CALN1: variants seen among roughly 807,000 people sequenced by gnomAD.
The protein encoded by CALN1 is calcium-binding protein 8.
CALN1 carries 17 observed loss-of-function variants against 30.6 expected under a neutral mutation model. That is an observed-to-expected ratio of 0.56 (90% CI 0.38 to 0.83). The LOEUF is 0.83. CALN1 is among the 40% of genes least tolerant of loss of function. The pLI is 0.00. For synonymous variants in CALN1, 156 were observed against 131.4 expected, an observed-to-expected ratio of 1.19 and a Z score of -1.28; for missense variants, 291 against 354.9, an observed-to-expected ratio of 0.82 and a Z score of 1.45.
intron 3 of CALN1, among the ~76,000 whole-genome samples, chr7:72,244,589 C>T (rs1294304758): frequency 1.3e-5 from 2 of 149,108 alleles, no homozygotes; most frequent in Admixed American, 1.3e-4. Context: ...TCAGCTTTCT[C>T]AGGTTGAAGA....
chr7:71,806,263 CACACACAA>C (rs1382954335), intron 6 of CALN1, among the ~76,000 whole-genome samples: 14 of 137,660 alleles, frequency 1.0e-4, no homozygotes, highest in Admixed American at 6.3e-4. Context: ...CACACACACA[CACACACAA>C]ACACACACAC....
At chr7:72,077,287 A>G (rs918178927) in intron 4 of CALN1, among the ~76,000 whole-genome samples, 1 of 150,400 alleles carries the variant, frequency 6.6e-6, no homozygotes, top group African/African-American at 2.5e-5. Flanking sequence ...TATTTTATTT[A>G]TTTTGAGACG....
At chr7:71,818,362 C>T (rs1788388469) in intron 5 of CALN1, among the ~76,000 whole-genome samples, 1 of 152,002 alleles carries the variant, frequency 6.6e-6, no homozygotes, top group African/African-American at 2.4e-5. Flanking sequence ...CACAGAGTTG[C>T]AAAAGCTTGA....
chr7:71,875,068 A>T (rs1288705528), intron 5 of CALN1, among the ~76,000 whole-genome samples: 1 of 151,168 alleles, frequency 6.6e-6, no homozygotes, highest in Non-Finnish European at 1.5e-5. Context: ...AGGGGGCTGA[A>T]GCACCAGAAT....
At chr7:72,409,973 C>T (rs978994782) in intron 1 of CALN1, among the ~76,000 whole-genome samples, 10 of 152,148 alleles carry the variant, frequency 6.6e-5, no homozygotes, top group African/African-American at 2.2e-4. Context: ...CCTCTAAAAC[C>T]CTGCAAAGAT....
intron 1 of CALN1, among the ~76,000 whole-genome samples, chr7:72,439,430 G>T (rs1300788273): frequency 3.9e-5 from 6 of 152,122 alleles, no homozygotes; most frequent in Non-Finnish European, 7.3e-5. Context: ...CACATATGTT[G>T]TGTGTTACAT....
intron 3 of CALN1, among the ~76,000 whole-genome samples, chr7:72,191,256 G>A (rs972854751): frequency 3.9e-5 from 6 of 152,122 alleles, no homozygotes; most frequent in East Asian, 1.9e-4. Context: ...AGAGAACAAC[G>A]TAGCAATTTA....
At chr7:71,954,463 A>C (rs1584600109) in intron 5 of CALN1, among the ~76,000 whole-genome samples, 1 of 151,754 alleles carries the variant, frequency 6.6e-6, no homozygotes. Context: ...CCATCTCGAA[A>C]ACTTAAAATT....
intron 5 of CALN1, among the ~76,000 whole-genome samples, chr7:71,994,108 A>C (rs898081759): frequency 1.3e-5 from 2 of 152,202 alleles, no homozygotes; most frequent in African/African-American, 4.8e-5. Flanking sequence ...AAAATTTTTA[A>C]GAAATGTTTA....
chr7:72,354,166 G>A (rs1169346509), intron 2 of CALN1, among the ~76,000 whole-genome samples: 1 of 152,138 alleles, frequency 6.6e-6, no homozygotes, highest in Admixed American at 6.5e-5. Context: ...CAGCCTGGGT[G>A]ACAGAGCAAG....
chr7:72,205,575 T>TATACATATATATATATATATAC (rs1554319681), intron 3 of CALN1, among the ~76,000 whole-genome samples: 1 of 119,614 alleles, frequency 8.4e-6, no homozygotes, highest in African/African-American at 4.2e-5. Flanking sequence ...TATGTATATA[T>TATACATATATATATATATATAC]ATATATATAT....
intron 5 of CALN1, among the ~76,000 whole-genome samples, chr7:71,854,254 CTT>C (rs1303735718): frequency 2.0e-5 from 3 of 152,038 alleles, no homozygotes; most frequent in Non-Finnish European, 4.4e-5. Context: ...AGGAGAATCT[CTT>C]GAACCTGGGA....
At chr7:72,255,808 G>A (rs550054453) in intron 3 of CALN1, among the ~76,000 whole-genome samples, 5 of 150,758 alleles carry the variant, frequency 3.3e-5, no homozygotes, top group South Asian at 2.1e-4. Context: ...TCGGCTCACT[G>A]CAACCTCCGT....
intron 3 of CALN1, among the ~76,000 whole-genome samples, chr7:72,240,193 T>C (rs1794738352): frequency 1.1e-5 from 1 of 88,356 alleles, no homozygotes; most frequent in Admixed American, 1.0e-4. Flanking sequence ...GGGAAATTTC[T>C]TTTTTTTTTT....
intron 2 of CALN1, among the ~76,000 whole-genome samples, chr7:72,290,339 G>GCTAT (rs1260942669): frequency 1.3e-5 from 2 of 152,132 alleles, no homozygotes; most frequent in African/African-American, 4.8e-5. Context: ...TGACAAAGCA[G>GCTAT]CTATGGTGGT....
At chr7:72,426,559 C>T (rs769612890) in intron 1 of CALN1, among the ~76,000 whole-genome samples, 24 of 152,204 alleles carry the variant, frequency 1.6e-4, no homozygotes, top group Non-Finnish European at 3.4e-4. Context: ...CAACCTCTTT[C>T]CTTTATAAAT....
intron 6 of CALN1, among the ~76,000 whole-genome samples, chr7:71,790,579 A>G (rs919848197): frequency 1.4e-4 from 22 of 152,140 alleles, no homozygotes; most frequent in African/African-American, 4.6e-4. Flanking sequence ...GCAGTTGTGC[A>G]CGGTTCCCCA....
chr7:71,976,034 C>T (rs575366628), intron 5 of CALN1, among the ~76,000 whole-genome samples: 1 of 151,916 alleles, frequency 6.6e-6, no homozygotes, highest in African/African-American at 2.4e-5. Context: ...TGCCAGACTC[C>T]GGTCTCCACA....
chr7:72,399,699 C>T (rs1189327937), intron 2 of CALN1, among the ~76,000 whole-genome samples: 1 of 152,186 alleles, frequency 6.6e-6, no homozygotes, highest in Non-Finnish European at 1.5e-5. Flanking sequence ...AGTCAACTAA[C>T]TCCAAGAATA....
Sources: gnomAD v4.1 joint callset for allele counts (sites outside exome capture counted in the v4.1 genomes callset) on GRCh38, gnomAD v4.1.1 for gene constraint, MANE v1.5 for transcripts, NCBI Gene and HGNC (gene_info 2026-07-23, HGNC 2026-07-21) for gene names.